Variants in SEMA4F observed in about 807,000 individuals in gnomAD.
The protein encoded by SEMA4F is ssemaphorin 4F.
Under a neutral mutation model 78.4 loss-of-function variants are expected in SEMA4F, and 51 were observed. The observed-to-expected ratio is 0.65, with a 90% confidence interval of 0.52 to 0.82. The LOEUF (loss-of-function observed/expected upper bound fraction) is 0.82. SEMA4F is among the 40% of genes least tolerant of loss of function. The probability of loss-of-function intolerance (pLI) is 0.00; values close to 1 mark genes in which losing one functional copy is unlikely to be tolerated. For synonymous variants in SEMA4F, 418 were observed against 408.7 expected (o/e 1.02, Z -0.27); for missense variants, 938 against 1,014.4 (o/e 0.92, Z 1.02).
intron 13 of SEMA4F, 51 bp from the exon 14 acceptor site, chr2:74,679,548 A>C (rs1573268200): frequency 6.4e-7 from 1 of 1,554,678 alleles, no homozygotes; most frequent in South Asian, 1.2e-5. Flanking sequence ...TCTTCATCAC[A>C]CCTCCAGCCT....
downstream of SEMA4F, among the ~76,000 whole-genome samples, chr2:74,688,084 C>T (rs1051437973): frequency 1.3e-5 from 2 of 152,126 alleles, no homozygotes; most frequent in Non-Finnish European, 1.5e-5. Context: ...GCCACATTGT[C>T]GGCCAGTGAA....
chr2:74,658,033 G>A lies in SEMA4F; in HGVS notation c.456+82G>A. 1 of 1,296,998 alleles carries A rather than the reference G, an allele frequency of 7.7e-7. No individual in the cohort carries two copies. Among genetic ancestry groups the A allele is most frequent in the Non-Finnish European group, 1.1e-6 (1 of 897,096 alleles). 80.3% of individuals were successfully genotyped at this position (1,296,998 alleles called of 1,614,324 possible). On this transcript the variant is annotated intron_variant, in intron 4 of 13. Coordinates refer to ENST00000357877, the MANE Select transcript of SEMA4F (RefSeq NM_004263.5). This position sits in a 1 kb window ranked among gnomAD's most constrained non-coding sequence, Gnocchi z 4.3. ...GGGGTGGTGGTGGGAGGATGGGAAG[G>A]GTTTTCTGTGAGCGACCATGATGGG...
At chr2:74,697,358 C>T in the SEMA4F span, among the ~76,000 whole-genome samples, 1 of 152,214 alleles carries the variant, frequency 6.6e-6, no homozygotes, top group Admixed American at 6.5e-5. Context: ...CTCTTTCTTG[C>T]ACTTCTCTTT....
chr2:74,657,453 C>G, intron 2 of SEMA4F, 112 bp from the exon 3 acceptor site: 1 of 953,516 alleles, frequency 1.0e-6, no homozygotes, highest in South Asian at 1.5e-5. Context: ...TCTAGGGGGA[C>G]TTTTGAAGTT....
the SEMA4F span, among the ~76,000 whole-genome samples, chr2:74,701,354 C>A: frequency 1.5e-4 from 23 of 152,296 alleles, no homozygotes; most frequent in South Asian, 4.1e-4. Flanking sequence ...TCTCTCCCTG[C>A]GCACCTGTCA....
At chr2:74,698,769 G>A in the SEMA4F span, among the ~76,000 whole-genome samples, 1 of 152,066 alleles carries the variant, frequency 6.6e-6, no homozygotes, top group Non-Finnish European at 1.5e-5. Context: ...ACTTGAGAAC[G>A]TATTCAATTT....
intron 7 of SEMA4F, 50 bp from the exon 8 acceptor site, chr2:74,674,448 G>C (rs1386340154): frequency 1.3e-6 from 2 of 1,541,642 alleles, no homozygotes; most frequent in Admixed American, 3.8e-5. Context: ...CATGCTCCTT[G>C]CCCAATGATG....
the SEMA4F span, among the ~76,000 whole-genome samples, chr2:74,696,721 A>C: frequency 6.6e-6 from 1 of 152,182 alleles, no homozygotes; most frequent in South Asian, 2.1e-4. Context: ...GGAAATAAAA[A>C]ATATTTTTAG....
At chr2:74,675,099 C>A in intron 9 of SEMA4F, 63 bp from the exon 10 acceptor site, 1 of 1,613,446 alleles carries the variant, frequency 6.2e-7, no homozygotes, top group Non-Finnish European at 8.5e-7. Flanking sequence ...AAGAGCCCCA[C>A]TAAGCATCAC....
At position 74,654,437 on chromosome 2, in the gene SEMA4F, C is replaced by G. The variant is rs777800951; in HGVS notation, c.61C>G (p.Pro21Ala). 7.0e-6 allele frequency: 11 copies of G among 1,571,004 alleles called. No homozygotes were observed. Among genetic ancestry groups the G allele is most frequent in the East Asian group, 4.9e-5 (2 of 40,762 alleles). The change falls in exon 1 of 14, where the codon CCG becomes GCG. Residue 21 changes from proline to alanine, a missense_variant. Coordinates refer to ENST00000357877, the MANE Select transcript of SEMA4F (RefSeq NM_004263.5). ...GPGQPTASPFPLLLLAVLSGP... is the reference protein window; with the variant it reads ...GPGQPTASPFALLLLAVLSGP... ...CGGGCAGCCTACAGCCTCGCCCTTC[C>G]CGCTACTGCTGCTGGCGGTGCTGAG... is the stretch of plus-strand genomic sequence containing the variant.
At chr2:74,665,381 C>T (rs940506138) in intron 5 of SEMA4F, among the ~76,000 whole-genome samples, 4 of 151,912 alleles carry the variant, frequency 2.6e-5, no homozygotes, top group Non-Finnish European at 4.4e-5. Flanking sequence ...AGGCGCGTGT[C>T]ACCATGCCCG....
At chr2:74,671,518 C>T (rs1049020505) in intron 5 of SEMA4F, among the ~76,000 whole-genome samples, 37 of 152,250 alleles carry the variant, frequency 2.4e-4, no homozygotes, top group African/African-American at 8.7e-4. Flanking sequence ...ACTGGATCTT[C>T]TCAGTTGCCT....
rs1044124588 is a variant in SEMA4F at position 74,668,610 on chromosome 2, T to C, written c.551-4847T>C. Among the ~76,000 whole-genome samples the C allele has an allele frequency of 1.5e-4, 23 of 151,414 alleles. 1 individual carries two copies. The highest frequency in any genetic ancestry group is 5.6e-4 in the African/African-American group (23 of 41,336). ...AGGCCAAGGCATGTAAAAAATCAGT[T>C]GTGTTTTTTTTTTTTTTGGAGACAG... On this transcript the variant is annotated intron_variant, in intron 5 of 13. Transcript: ENST00000357877.
intron 5 of SEMA4F, among the ~76,000 whole-genome samples, chr2:74,663,127 A>G (rs995111917): frequency 6.6e-6 from 1 of 152,222 alleles, no homozygotes; most frequent in Non-Finnish European, 1.5e-5. Flanking sequence ...GGAATATACT[A>G]CAATGCATAT....
In SEMA4F at chr2:74,680,398, C is replaced by G; in HGVS notation, c.*189C>G. 2 of 588,906 alleles carry G rather than the reference C, an allele frequency of 3.4e-6. No homozygotes were observed. The highest frequency in any genetic ancestry group is 5.6e-6 in the Non-Finnish European group (2 of 359,230). 36.5% of individuals were successfully genotyped at this position (588,906 alleles called of 1,614,324 possible). A position where few individuals can be genotyped will look rare whatever the true frequency, so the allele number is the denominator to read the frequency against. The stretch of plus-strand genomic sequence containing the variant: ...CTTGGGGCCAGACCTTTGCCTGATT[C>G]CTGATTCCCATGAGAAATCAGAACT... On this transcript the variant is annotated 3_prime_UTR_variant, in exon 14 of 14. Transcript: ENST00000357877.
chr2:74,656,623 G>C lies in SEMA4F; in HGVS notation c.235G>C (p.Val79Leu). ...GGATCCTGCCTCCCACACACTTTAT[G>C]TTGGCGCCCGGGACACCATCTTCGC... is the stretch of plus-strand genomic sequence containing the variant. Reference protein sequence around the residue: ...LVDPASHTLYVGARDTIFALS... With the variant: ...LVDPASHTLYLGARDTIFALS... Residue 79 changes from valine (V) to leucine (L), a missense_variant, in exon 2 of 14, where the codon GTT (valine) becomes CTT (leucine). Val to Leu is a conservative substitution (Grantham distance 32). Coordinates refer to ENST00000357877, the MANE Select transcript of SEMA4F (RefSeq NM_004263.5). The C allele has an allele frequency of 6.2e-7, 1 of 1,614,146 alleles. No homozygotes were observed. The highest frequency in any genetic ancestry group is 8.5e-7 in the Non-Finnish European group (1 of 1,180,022).
chr2:74,675,981 A>T (rs1685261457), intron 12 of SEMA4F, 72 bp downstream of exon 12: 1 of 1,495,336 alleles, frequency 6.7e-7, no homozygotes, highest in Admixed American at 2.1e-5. Context: ...TACGTTTCTC[A>T]TCTGTTAATG....
At chr2:74,654,680 C>T (rs1684025652) in intron 1 of SEMA4F, among the ~76,000 whole-genome samples, 159 bp downstream of exon 1, 1 of 152,140 alleles carries the variant, frequency 6.6e-6, no homozygotes, top group African/African-American at 2.4e-5. Flanking sequence ...GATCTTCGCA[C>T]TTCACCGCAT....
the SEMA4F span, among the ~76,000 whole-genome samples, chr2:74,697,631 G>T: frequency 1.3e-5 from 2 of 152,162 alleles, no homozygotes; most frequent in African/African-American, 4.8e-5. Flanking sequence ...GTTGCCTCCT[G>T]CTGGGGAGGT....
Sources: gnomAD v4.1 joint callset for allele counts (sites outside exome capture counted in the v4.1 genomes callset) on GRCh38, gnomAD v4.1.1 for gene constraint, Gnocchi (gnomAD v3.1) non-coding constraint, MANE v1.5 for transcripts, NCBI Gene and HGNC (gene_info 2026-07-23, HGNC 2026-07-21) for gene names.